PCOLCE2: variants seen among roughly 807,000 people sequenced by gnomAD.
PCOLCE2 encodes procollagen C-proteinase enhancer 2.
In PCOLCE2, 42 loss-of-function variants were observed where a neutral mutation model predicts 47.0. The observed-to-expected ratio is 0.89, with a 90% CI of 0.70 to 1.16. The LOEUF is 1.16. Ranked by LOEUF, PCOLCE2 falls within the 50% of genes most tolerant of loss-of-function variation. The pLI is 0.00. For missense variants in PCOLCE2, 500 were observed against 526.1 expected, an observed-to-expected ratio of 0.95 and a Z score of 0.49; for synonymous variants, 169 against 191.7, an observed-to-expected ratio of 0.88 and a Z score of 0.98.
Position 142,884,425 on chromosome 3 carries a change from C to T in PCOLCE2, c.192+3244G>A, listed in dbSNP as rs184258697. On this transcript the variant is annotated intron_variant, in intron 2 of 8. Coordinates refer to ENST00000295992, the MANE Select transcript of PCOLCE2 (RefSeq NM_013363.4). ...CACATTTAACTCATACCCACGTCCC[C>T]GTATTTGAGAATTAGGGGATTTTAT... 3.6e-3 allele frequency among the ~76,000 whole-genome samples: 552 copies of T among 152,222 alleles called. 8 individuals carry two copies. Among genetic ancestry groups the T allele is most frequent in the Non-Finnish European group, 4.3e-3 (290 of 68,012 alleles).
At chr3:142,840,174 G>T (rs991220003) in intron 4 of PCOLCE2, among the ~76,000 whole-genome samples, 1 of 152,184 alleles carries the variant, frequency 6.6e-6, no homozygotes, top group Non-Finnish European at 1.5e-5. Context: ...TCAGGGTGTG[G>T]TTATTTTTGA....
intron 6 of PCOLCE2, chr3:142,827,083 G>A (rs1371248499): frequency 4.7e-6 from 6 of 1,289,382 alleles, no homozygotes; most frequent in Non-Finnish European, 6.7e-6. Flanking sequence ...AAACTTTATT[G>A]AGCCCCTTAG....
At chr3:142,853,992 G>T (rs1448768221) in intron 2 of PCOLCE2, among the ~76,000 whole-genome samples, 1 of 152,214 alleles carries the variant, frequency 6.6e-6, no homozygotes, top group Admixed American at 6.5e-5. Flanking sequence ...CAAAGCTCTC[G>T]ATGCCGGGGC....
chr3:142,876,207 T>C (rs2108210026), intron 2 of PCOLCE2, among the ~76,000 whole-genome samples: 1 of 152,364 alleles, frequency 6.6e-6, no homozygotes, highest in Admixed American at 6.5e-5. Context: ...TCTCACTGTG[T>C]GCCCAGGATG....
At chr3:142,846,782 GTTTCT>G (rs1437624445) in intron 3 of PCOLCE2, 2 of 151,934 alleles carry the variant, frequency 1.3e-5, no homozygotes, top group Admixed American at 6.6e-5. Context: ...TTCAGATCCT[GTTTCT>G]TTTATCTCTA....
intron 7 of PCOLCE2, among the ~76,000 whole-genome samples, chr3:142,821,728 T>G (rs1321112313): frequency 2.6e-5 from 4 of 151,848 alleles, no homozygotes; most frequent in African/African-American, 9.7e-5. Context: ...TCTAGTAAAA[T>G]TCAGTTGATT....
intron 2 of PCOLCE2, among the ~76,000 whole-genome samples, chr3:142,865,477 C>G (rs1933267706): frequency 1.3e-5 from 2 of 152,168 alleles, no homozygotes; most frequent in Non-Finnish European, 2.9e-5. Context: ...GAACCCCTTA[C>G]AAGCTTGTTT....
chr3:142,830,453 A>T (rs1027023496), intron 5 of PCOLCE2, among the ~76,000 whole-genome samples: 8 of 152,234 alleles, frequency 5.3e-5, no homozygotes, highest in Non-Finnish European at 1.0e-4. Flanking sequence ...AGCCATGCAA[A>T]GGACTTCCAT....
At chr3:142,840,149 C>T (rs1457498603) in intron 4 of PCOLCE2, among the ~76,000 whole-genome samples, 1 of 152,152 alleles carries the variant, frequency 6.6e-6, no homozygotes, top group Non-Finnish European at 1.5e-5. Flanking sequence ...ATGTGTGATA[C>T]CGTGCACGGC....
intron 2 of PCOLCE2, among the ~76,000 whole-genome samples, chr3:142,861,876 CT>C (rs1378227243): frequency 6.6e-6 from 1 of 152,250 alleles, no homozygotes; most frequent in Non-Finnish European, 1.5e-5. Flanking sequence ...GATAGAGGTC[CT>C]TTCTCAAGGG....
At chr3:142,833,284 G>A (rs1240665563) in intron 5 of PCOLCE2, among the ~76,000 whole-genome samples, 2 of 152,018 alleles carry the variant, frequency 1.3e-5, no homozygotes, top group African/African-American at 4.8e-5. Flanking sequence ...CATCTTCTGG[G>A]TTCAAGGGAA....
At chr3:142,827,527 G>A (rs1182685663) in intron 6 of PCOLCE2, 5 of 1,480,820 alleles carry the variant, frequency 3.4e-6, no homozygotes, top group Non-Finnish European at 4.7e-6. Flanking sequence ...CCTCCAGGCA[G>A]CACACGATCA....
chr3:142,867,342 T>G (rs781282150), intron 2 of PCOLCE2, among the ~76,000 whole-genome samples: 1 of 152,220 alleles, frequency 6.6e-6, no homozygotes, highest in Non-Finnish European at 1.5e-5. Context: ...CAGAAGAATA[T>G]CTTTGCAATC....
intron 6 of PCOLCE2, among the ~76,000 whole-genome samples, chr3:142,828,360 T>A (rs1937109305): frequency 6.6e-6 from 1 of 152,214 alleles, no homozygotes; most frequent in Admixed American, 6.5e-5. Flanking sequence ...TTTTCAATTT[T>A]AAATTCATTA....
chr3:142,874,364 G>A (rs1192566908), intron 2 of PCOLCE2, among the ~76,000 whole-genome samples: 5 of 152,132 alleles, frequency 3.3e-5, no homozygotes, highest in African/African-American at 7.2e-5. Flanking sequence ...GTGAGCCACC[G>A]CACCTGGCCG....
At position 142,818,176 on chromosome 3, in the gene PCOLCE2, G is replaced by C. The variant is rs1936971859; in HGVS notation, c.*159C>G. ...CAAAGAACTTCCCTCAGCTATCTCG[G>C]AGGCCTCATACCTCCATCATGTGAA... On this transcript the variant is annotated 3_prime_UTR_variant, in exon 9 of 9. Coordinates refer to ENST00000295992, the MANE Select transcript of PCOLCE2 (RefSeq NM_013363.4). 5.0e-6 allele frequency: 3 copies of C among 604,500 alleles called. No individual in the cohort carries two copies. In the South Asian group the frequency reaches 7.7e-5, roughly 15 times the overall value. The allele number at this position is 604,500 out of a possible 1,614,324, so 37.4% of individuals were successfully genotyped here.
At chr3:142,839,924 A>C (rs115530876) in intron 4 of PCOLCE2, among the ~76,000 whole-genome samples, 84 of 152,332 alleles carry the variant, frequency 5.5e-4, no homozygotes, top group Middle Eastern at 3.4e-3. Context: ...TAGAAATAAA[A>C]AGTATTATCT....
intron 2 of PCOLCE2, among the ~76,000 whole-genome samples, chr3:142,866,356 C>T (rs969105128): frequency 1.8e-4 from 28 of 152,194 alleles, no homozygotes; most frequent in African/African-American, 5.3e-4. Context: ...CCAGGACTTA[C>T]GCAGAGGCCC....
At chr3:142,828,651 T>C (rs923169753) in intron 6 of PCOLCE2, among the ~76,000 whole-genome samples, 2 of 152,190 alleles carry the variant, frequency 1.3e-5, no homozygotes, top group Admixed American at 1.3e-4. Flanking sequence ...AAAACAAGTT[T>C]GTATATGCTT....
Sources: allele counts gnomAD v4.1 joint callset (sites outside exome capture counted in the v4.1 genomes callset), GRCh38; gene constraint gnomAD v4.1.1; transcripts MANE v1.5; gene names NCBI Gene and HGNC (gene_info 2026-07-23, HGNC 2026-07-21).